Variants in RIC3 observed in about 807,000 individuals in gnomAD.
The protein encoded by RIC3 is protein RIC-3.
A neutral mutation model predicts 27.3 loss-of-function variants in RIC3; 28 were observed. The observed-to-expected ratio is 1.02, with a 90% confidence interval of 0.76 to 1.41. The LOEUF is 1.41. RIC3 is among the 40% of genes most tolerant of loss of function. The pLI, the probability that RIC3 is intolerant of heterozygous loss-of-function variation, is 0.00. For synonymous variants in RIC3, 184 were observed against 160.4 expected (o/e 1.15, Z -1.11); for missense variants, 501 against 444.7 (o/e 1.13, Z -1.14).
intron 5 of RIC3, among the ~76,000 whole-genome samples, chr11:8,125,184 G>A (rs916461714): frequency 6.6e-6 from 1 of 151,680 alleles, no homozygotes; most frequent in Non-Finnish European, 1.5e-5. Context: ...AACCTGGGAG[G>A]TGGAGCTTAC....
downstream of RIC3, chr11:8,101,578 A>G (rs754169303): frequency 1.2e-6 from 2 of 1,614,208 alleles, no homozygotes; most frequent in Non-Finnish European, 1.7e-6. Context: ...GGCCTTTGCC[A>G]TTGCCCTGTC....
intron 2 of RIC3, chr11:8,139,689 C>A (rs1183474775): frequency 3.1e-5 from 6 of 195,592 alleles, no homozygotes; most frequent in Non-Finnish European, 4.6e-5. Context: ...AATTGTATCA[C>A]TCACTGGATT....
chr11:8,093,246 G>A, the RIC3 span, among the ~76,000 whole-genome samples: 1 of 152,014 alleles, frequency 6.6e-6, no homozygotes, highest in Non-Finnish European at 1.5e-5. Flanking sequence ...ATCACTGAGG[G>A]GGGCGAGGGG....
In RIC3 at chr11:8,110,540, G is replaced by A. The variant is rs970635119; in HGVS notation, c.*158C>T. The A allele has an allele frequency of 1.9e-5, 14 of 731,880 alleles. No homozygotes were observed. Among genetic ancestry groups the A allele is most frequent in the Admixed American group, 1.6e-4 (8 of 50,744 alleles). 45.3% of individuals were successfully genotyped at this position (731,880 alleles called of 1,614,324 possible). ...GTGTTTTACAAGGTGACAGGTGTGT[G>A]AGCACCAGGAAGGATACATGATATC... is the stretch of plus-strand genomic sequence containing the variant. On this transcript the variant is annotated 3_prime_UTR_variant, in exon 6 of 6. Transcript: ENST00000309737.
chr11:8,156,538 C>T (rs896849908), intron 1 of RIC3, among the ~76,000 whole-genome samples: 1 of 152,184 alleles, frequency 6.6e-6, no homozygotes, highest in Non-Finnish European at 1.5e-5. Flanking sequence ...TCCTAAACAA[C>T]TGAATTCCAT....
chr11:8,121,453 C>A (rs560583787), intron 5 of RIC3, among the ~76,000 whole-genome samples: 1 of 152,106 alleles, frequency 6.6e-6, no homozygotes, highest in East Asian at 1.9e-4. Context: ...CAGTGGCTCA[C>A]GTCTGTAATC....
chr11:8,160,976 C>T (rs997211795), intron 1 of RIC3, among the ~76,000 whole-genome samples: 6 of 152,112 alleles, frequency 3.9e-5, no homozygotes, highest in African/African-American at 1.4e-4. Flanking sequence ...ATTTTGCCAA[C>T]GTTAAGGACA....
chr11:8,125,512 C>A (rs1261875467), intron 5 of RIC3, among the ~76,000 whole-genome samples: 2 of 151,956 alleles, frequency 1.3e-5, no homozygotes, highest in African/African-American at 2.4e-5. Context: ...ATGCAGATGG[C>A]AAATAAGCAC....
intron 4 of RIC3, among the ~76,000 whole-genome samples, chr11:8,135,176 G>C (rs1406200528): frequency 2.6e-5 from 4 of 152,190 alleles, no homozygotes; most frequent in Admixed American, 1.3e-4. Flanking sequence ...GTAAGGAAGG[G>C]ATCCAGTTTC....
At chr11:8,145,610 G>A (rs541115613) in intron 1 of RIC3, among the ~76,000 whole-genome samples, 16 of 152,266 alleles carry the variant, frequency 1.1e-4, no homozygotes, top group Admixed American at 9.2e-4. Context: ...CTTGAAAAAG[G>A]GGATCTTGTG....
At chr11:8,114,048 C>G (rs1438115134) in intron 5 of RIC3, among the ~76,000 whole-genome samples, 1 of 152,202 alleles carries the variant, frequency 6.6e-6, no homozygotes, top group Non-Finnish European at 1.5e-5. Context: ...CCCACGGACT[C>G]AACACCAGGC....
Position 8,148,045 on chromosome 11 carries a change from G to T in RIC3, c.125-7852C>A, listed in dbSNP as rs944203041. On this transcript the variant is annotated intron_variant, in intron 1 of 5. Coordinates refer to ENST00000309737, the MANE Select transcript of RIC3 (RefSeq NM_001206671.4). ...GTAAGACTTAAAAAATCAGAATTTA[G>T]TTCTCAAAGTCAACTCTGCTCCTGA... is the stretch of plus-strand genomic sequence containing the variant. Among the ~76,000 whole-genome samples the T allele has an allele frequency of 1.3e-4, 20 of 152,234 alleles. No individual in the cohort carries two copies. The East Asian group carries it at 3.7e-3, about 28-fold the overall frequency.
intron 5 of RIC3, among the ~76,000 whole-genome samples, chr11:8,124,158 A>C (rs981847590): frequency 6.6e-6 from 1 of 152,138 alleles, no homozygotes; most frequent in Non-Finnish European, 1.5e-5. Flanking sequence ...GACCAAGATA[A>C]TATCACTGGA....
intron 5 of RIC3, among the ~76,000 whole-genome samples, chr11:8,112,285 TTTTCTTTTC>T (rs1350868265): frequency 1.6e-4 from 22 of 137,148 alleles, no homozygotes; most frequent in East Asian, 4.9e-4. Flanking sequence ...TTTTCTTTTC[TTTTCTTTTC>T]TTTTTTTTTT....
intron 1 of RIC3, among the ~76,000 whole-genome samples, chr11:8,164,127 G>A (rs1222666373): frequency 2.0e-5 from 3 of 152,096 alleles, no homozygotes; most frequent in Non-Finnish European, 4.4e-5. Context: ...TGGTGCTGGG[G>A]CAACTATATA....
downstream of RIC3, among the ~76,000 whole-genome samples, chr11:8,101,174 T>G (rs1944283314): frequency 6.6e-6 from 1 of 152,178 alleles, no homozygotes; most frequent in Non-Finnish European, 1.5e-5. Flanking sequence ...TGGAAGAACC[T>G]TCTTTGCAGC....
intron 5 of RIC3, among the ~76,000 whole-genome samples, chr11:8,116,621 A>C (rs1945887250): frequency 6.6e-6 from 1 of 152,258 alleles, no homozygotes; most frequent in Admixed American, 6.5e-5. Flanking sequence ...GACACTTCTC[A>C]AGAGAAGACA....
the RIC3 span, chr11:8,100,838 C>T: frequency 6.2e-7 from 1 of 1,614,098 alleles, no homozygotes; most frequent in African/African-American, 1.3e-5. Flanking sequence ...GCATGAGACA[C>T]TGCTAGCACG....
Position 8,110,624 on chromosome 11 carries a change from G to A in RIC3, c.*74C>T, listed in dbSNP as rs1209074795. The A allele has an allele frequency of 3.0e-6, 4 of 1,342,102 alleles. No individual in the cohort carries two copies. Among genetic ancestry groups the A allele is most frequent in the African/African-American group, 2.9e-5 (2 of 69,560 alleles). 83.1% of individuals were successfully genotyped at this position (1,342,102 alleles called of 1,614,324 possible). On this transcript the variant is annotated 3_prime_UTR_variant, in exon 6 of 6. Coordinates refer to ENST00000309737, the MANE Select transcript of RIC3 (RefSeq NM_001206671.4). ...CACAGTGAAGAAAGTGCAGGGCACA[G>A]GGCCAAGAAGGAAATCTGAGGAGAG...
Sources: gnomAD v4.1 joint callset for allele counts (sites outside exome capture counted in the v4.1 genomes callset) on GRCh38, gnomAD v4.1.1 for gene constraint, MANE v1.5 for transcripts, NCBI Gene and HGNC (gene_info 2026-07-23, HGNC 2026-07-21) for gene names.